Variants in C21orf58 observed in about 807,000 individuals in gnomAD.
C21orf58 encodes chromosome 21 open reading frame 58.
C21orf58 carries 34 observed loss-of-function variants against 35.8 expected under a neutral mutation model. That is an observed-to-expected ratio of 0.95 (90% CI 0.72 to 1.26). The LOEUF (loss-of-function observed/expected upper bound fraction) is 1.26. Ranked by LOEUF, C21orf58 falls within the 50% of genes most tolerant of loss-of-function variation. The pLI is 0.00. For missense variants in C21orf58, 440 were observed against 414.3 expected (o/e 1.06, Z -0.54); for synonymous variants, 191 against 175.8 (o/e 1.09, Z -0.68).
chr21:46,311,316 A>T, intron 6 of C21orf58, 140 bp downstream of exon 6: 1 of 441,576 alleles, frequency 2.3e-6, no homozygotes, highest in Non-Finnish European at 4.1e-6. Flanking sequence ...TCATTTATAT[A>T]AGGATTTCTT....
chr21:46,300,863 G>T, downstream of C21orf58: 1 of 1,105,092 alleles, frequency 9.0e-7, no homozygotes, highest in East Asian at 6.1e-5. Context: ...AAAGAGCAAA[G>T]AAACATAATT....
At position 46,315,152 on chromosome 21, in the gene C21orf58, A is replaced by T. The variant is rs1047079124; in HGVS notation, c.445-272T>A. On this transcript the variant is annotated intron_variant, in intron 4 of 7. Coordinates refer to ENST00000291691, the MANE Select transcript of C21orf58 (RefSeq NM_058180.5). Reference sequence around the variant, plus strand: ...GCCAGTTCCAGGCCTACTTTTTTCTAGGTCTCCCCCTAGAAAAGCGGCCCC... The same window carrying T: ...GCCAGTTCCAGGCCTACTTTTTTCTTGGTCTCCCCCTAGAAAAGCGGCCCC... 9.9e-6 allele frequency: 8 copies of T among 811,022 alleles called. No homozygotes were observed. The African/African-American group carries it at 1.0e-4, about 11-fold the overall frequency. The allele number at this position is 811,022 out of a possible 1,614,324, so 50.2% of individuals were successfully genotyped here.
At position 46,318,066 on chromosome 21, in the gene C21orf58, C is replaced by T; in HGVS notation, c.255G>A (p.Leu85=). ...LQSSPAAPTM[L]DSSAAEQVTR... is the part of the protein sequence containing the mutation. Reference sequence around the variant, plus strand: ...TCACTTGCTCTGCTGCTGATGAGTCCAGCATGGTGGGAGCTGCAGGAGACG... The same window carrying T: ...TCACTTGCTCTGCTGCTGATGAGTCTAGCATGGTGGGAGCTGCAGGAGACG... Residue 85 remains leucine, a synonymous_variant, in exon 2 of 8, where the codon CTG becomes CTA. Coordinates refer to ENST00000291691, the MANE Select transcript of C21orf58 (RefSeq NM_058180.5). The T allele has an allele frequency of 6.2e-7, 1 of 1,613,498 alleles. No individual in the cohort carries two copies. Among genetic ancestry groups the T allele is most frequent in the Non-Finnish European group, 8.5e-7 (1 of 1,180,020 alleles).
In C21orf58 at chr21:46,323,253, C is replaced by T. The variant is rs913572252; in HGVS notation, c.-515G>A. ...CCAGAGAGCTCCAAGACACCCAAAC[C>T]TTCCGTGGTTTCCACCTCTGCAAGC... On this transcript the variant is annotated 5_prime_UTR_variant, in exon 1 of 8. Coordinates refer to ENST00000291691, the MANE Select transcript of C21orf58 (RefSeq NM_058180.5). 6.6e-6 allele frequency: 1 copy of T among 152,366 alleles called. No homozygotes were observed. Among genetic ancestry groups the T allele is most frequent in the African/African-American group, 2.4e-5 (1 of 41,468 alleles). 9.4% of individuals were successfully genotyped at this position (152,366 alleles called of 1,614,324 possible).
At chr21:46,304,608 G>T (rs1206266519) in intron 6 of C21orf58, among the ~76,000 whole-genome samples, 2 of 152,202 alleles carry the variant, frequency 1.3e-5, no homozygotes, top group East Asian at 3.8e-4. Context: ...AAAATGAAAA[G>T]TGTGAAAATG....
chr21:46,312,236 C>T (rs2082762278), intron 5 of C21orf58, among the ~76,000 whole-genome samples: 1 of 152,094 alleles, frequency 6.6e-6, no homozygotes, highest in South Asian at 2.1e-4. Flanking sequence ...TAATGTTTCC[C>T]ACATTTCCTG....
chr21:46,314,846 T>C lies in C21orf58; in HGVS notation c.479A>G (p.Gln160Arg). ...TCCTCTGCTTGGCCCGCTCCAGGCC[T>C]GGGCCCGAGAGAGCTCGTCCAGGAG... ...QHLLDELSRA[Q>R]AWSGPSRGAL... The change falls in exon 5 of 8, where the codon CAG becomes CGG. Residue 160 changes from glutamine to arginine, a missense_variant. Physicochemically the swap from Gln to Arg is conservative, Grantham distance 43. Transcript: ENST00000291691. The C allele has an allele frequency of 6.5e-7, 1 of 1,550,372 alleles. No individual in the cohort carries two copies. Among genetic ancestry groups the C allele is most frequent in the Non-Finnish European group, 8.7e-7 (1 of 1,146,866 alleles).
At chr21:46,300,740 A>C, downstream of C21orf58, 1 of 1,289,204 alleles carries the variant, frequency 7.8e-7, no homozygotes, top group Non-Finnish European at 1.0e-6. Context: ...CAAAGATGGA[A>C]GCACTGGGAC....
Position 46,318,587 on chromosome 21 carries a change from C to A in C21orf58, c.101-367G>T, listed in dbSNP as rs1009677957. ...GTGTACTGCCTCCAGGGTGTTAATA[C>A]CTCCCTCCTAGGGACCCTCAGAGCA... On this transcript the variant is annotated intron_variant, in intron 1 of 7. Coordinates refer to ENST00000291691, the MANE Select transcript of C21orf58 (RefSeq NM_058180.5). 20 of 1,146,094 alleles carry A rather than the reference C, an allele frequency of 1.7e-5. No homozygotes were observed. In the African/African-American group the frequency reaches 3.0e-4, roughly 17 times the overall value. 71.0% of individuals were successfully genotyped at this position (1,146,094 alleles called of 1,614,324 possible). A position where few individuals can be genotyped will look rare whatever the true frequency, so the allele number is the denominator to read the frequency against.
intron 3 of C21orf58, 80 bp from the exon 4 acceptor site, chr21:46,315,627 C>A: frequency 1.1e-6 from 1 of 938,746 alleles, no homozygotes; most frequent in Non-Finnish European, 1.7e-6. Flanking sequence ...TGGTACTGCA[C>A]CCATGTCGGA....
At chr21:46,313,677 G>A (rs547204192) in intron 5 of C21orf58, among the ~76,000 whole-genome samples, 1 of 152,318 alleles carries the variant, frequency 6.6e-6, no homozygotes, top group East Asian at 1.9e-4. Flanking sequence ...AAGACAGGAA[G>A]GCACAGGCTG....
Position 46,314,866 on chromosome 21 carries a change from CAGG to C in C21orf58, c.456_458del (p.Leu153del), listed in dbSNP as rs755763724. On this transcript the variant is annotated inframe_deletion, in exon 5 of 8. Transcript: ENST00000291691. ...AGGCCTGGGCCCGAGAGAGCTCGTC[CAGG>C]AGGTGTTGTTCCTGCAAGGCCGATG... The C allele has an allele frequency of 1.4e-5, 21 of 1,550,478 alleles. No homozygotes were observed. The African/African-American group carries it at 2.2e-4, about 16-fold the overall frequency.
intron 6 of C21orf58, among the ~76,000 whole-genome samples, chr21:46,308,529 A>T (rs2082527897): frequency 1.3e-5 from 2 of 152,196 alleles, no homozygotes; most frequent in South Asian, 4.1e-4. Context: ...AGAGAAATGA[A>T]AGCATACATC....
chr21:46,315,920 A>G (rs1230810638), intron 3 of C21orf58, among the ~76,000 whole-genome samples: 1 of 152,096 alleles, frequency 6.6e-6, no homozygotes, highest in East Asian at 1.9e-4. Flanking sequence ...GACCTTGGCC[A>G]CCTGGAGCCA....
chr21:46,318,330 A>G (rs913628690), intron 1 of C21orf58, 110 bp from the exon 2 acceptor site: 3 of 1,510,814 alleles, frequency 2.0e-6, no homozygotes, highest in Admixed American at 4.1e-5. Flanking sequence ...TGCCAGACAC[A>G]GGGAGGCCCC....
intron 1 of C21orf58, chr21:46,318,571 C>A: frequency 8.4e-7 from 1 of 1,191,482 alleles, no homozygotes; most frequent in Admixed American, 3.9e-5. Flanking sequence ...TGTGTACTGC[C>A]TCCAGGGTGT....
chr21:46,319,350 C>T (rs960196746), intron 1 of C21orf58, among the ~76,000 whole-genome samples: 4 of 152,218 alleles, frequency 2.6e-5, no homozygotes, highest in African/African-American at 7.2e-5. Context: ...ACCCTCCCTC[C>T]AGATCTGTGG....
intron 7 of C21orf58, 147 bp downstream of exon 7, chr21:46,302,338 C>T (rs2082143083): frequency 1.8e-6 from 2 of 1,137,442 alleles, no homozygotes; most frequent in East Asian, 5.2e-5. Flanking sequence ...TGGGCTGGGA[C>T]TCGATGGGGA....
Position 46,322,871 on chromosome 21 carries a change from G to A in C21orf58, c.-133C>T. 1.7e-6 allele frequency: 1 copy of A among 575,450 alleles called. No individual in the cohort carries two copies. Among genetic ancestry groups the A allele is most frequent in the Non-Finnish European group, 2.9e-6 (1 of 345,860 alleles). 35.6% of individuals were successfully genotyped at this position (575,450 alleles called of 1,614,324 possible). ...GAGGCTGCAAGGTGAGCTTGCGTCA[G>A]CGAGGAGCCACTCCAGCACGCTCGG... On this transcript the variant is annotated 5_prime_UTR_variant, in exon 1 of 8. Transcript: ENST00000291691.
Sources: gnomAD v4.1 joint callset for allele counts (sites outside exome capture counted in the v4.1 genomes callset) on GRCh38, gnomAD v4.1.1 for gene constraint, MANE v1.5 for transcripts, NCBI Gene and HGNC (gene_info 2026-07-23, HGNC 2026-07-21) for gene names.